Variants in CUX2 observed in about 807,000 individuals in gnomAD.
CUX2 encodes homeobox protein cut-like 2.
CUX2 carries 40 observed loss-of-function variants against 144.8 expected under a neutral mutation model. The ratio of observed to expected loss-of-function variants is 0.28; its 90% CI spans 0.21 to 0.36. The LOEUF (loss-of-function observed/expected upper bound fraction) is 0.36, where lower values mean the gene tolerates loss of function less well. CUX2 is among the 10% of genes least tolerant of loss of function. CUX2 has a pLI of 1.00. For synonymous variants in CUX2, 827 were observed against 875.6 expected (o/e 0.94, Z 0.98); for missense variants, 1,615 against 1,994.0 (o/e 0.81, Z 3.62).
At chr12:111,175,882 G>A (rs928787682) in intron 1 of CUX2, among the ~76,000 whole-genome samples, 3 of 151,798 alleles carry the variant, frequency 2.0e-5, no homozygotes, top group Admixed American at 6.6e-5. Context: ...AGAGACGGCT[G>A]AACTGTTGAA....
At chr12:111,253,985 C>T (rs148591253) in intron 3 of CUX2, among the ~76,000 whole-genome samples, 9 of 152,256 alleles carry the variant, frequency 5.9e-5, no homozygotes, top group African/African-American at 1.7e-4. Flanking sequence ...CAGCCTCAGC[C>T]TCCCAAGGTA....
chr12:111,325,771 A>G (rs1293949290), intron 18 of CUX2, among the ~76,000 whole-genome samples: 2 of 1,254 alleles, frequency 1.6e-3, no homozygotes, highest in Non-Finnish European at 1.1e-3. Context: ...GTGGTGGGGG[A>G]GGGGTGGGTT....
rs1309063905 is a variant in CUX2, at chr12:111,186,341, A to G, written c.64-27859A>G. ...GTGGTCCACCCAGGCCCCTGCCTTCAGGGGTGGACACTCCATGGGGGACGC... is the reference window on the plus strand; with the variant it reads ...GTGGTCCACCCAGGCCCCTGCCTTCGGGGGTGGACACTCCATGGGGGACGC... On this transcript the variant is annotated intron_variant, in intron 1 of 21. Transcript: ENST00000261726. The surrounding 1 kb of genome is among the most constrained non-coding windows in gnomAD (Gnocchi z 4.4). Among the ~76,000 whole-genome samples the G allele has an allele frequency of 1.3e-5, 2 of 152,294 alleles. No individual in the cohort carries two copies. The highest frequency in any genetic ancestry group is 2.9e-5 in the Non-Finnish European group (2 of 68,012).
intron 15 of CUX2, among the ~76,000 whole-genome samples, chr12:111,311,239 G>T (rs1886882877): frequency 6.6e-6 from 1 of 152,166 alleles, no homozygotes; most frequent in Non-Finnish European, 1.5e-5. Flanking sequence ...GGCATGCAGT[G>T]CTGCTTGAGA....
At chr12:111,073,101 A>T (rs544612990) in intron 1 of CUX2, among the ~76,000 whole-genome samples, 2 of 152,352 alleles carry the variant, frequency 1.3e-5, no homozygotes, top group African/African-American at 4.8e-5. Context: ...CAAACTGAAC[A>T]TACTCATGGA....
intron 3 of CUX2, among the ~76,000 whole-genome samples, chr12:111,226,120 T>C (rs912029604): frequency 6.6e-6 from 1 of 152,188 alleles, no homozygotes. Context: ...ATTTTTGTAT[T>C]TTTTGTAGAG....
At position 111,059,740 on chromosome 12, in the gene CUX2, C is replaced by T. The variant is rs1280137797; in HGVS notation, c.63+25500C>T. On this transcript the variant is annotated intron_variant, in intron 1 of 21. Transcript: ENST00000261726. The surrounding 1 kb of genome is among the most constrained non-coding windows in gnomAD (Gnocchi z 5.3). Reference sequence around the variant, plus strand: ...GGAGGGTGATGTGGAAGGGGTGCTACCAAGGAGAAGGTGGTCGTGGGGGGT... The same window carrying T: ...GGAGGGTGATGTGGAAGGGGTGCTATCAAGGAGAAGGTGGTCGTGGGGGGT... Among the ~76,000 whole-genome samples, 1 of 151,924 alleles carries T rather than the reference C, an allele frequency of 6.6e-6. No individual in the cohort carries two copies. Among genetic ancestry groups the T allele is most frequent in the Non-Finnish European group, 1.5e-5 (1 of 67,970 alleles).
chr12:111,279,192 G>A, intron 4 of CUX2, among the ~76,000 whole-genome samples: 1 of 152,172 alleles, frequency 6.6e-6, no homozygotes, highest in Non-Finnish European at 1.5e-5. Flanking sequence ...CAGTGCCTAG[G>A]AACTGTCAGG....
In CUX2 at chr12:111,308,997, T is replaced by C. The variant is rs1006472255; in HGVS notation, c.1258+471T>C. ...TCGGCTCACTGCAGCCTCCGCCTCC[T>C]GGGTTCAAGCAATTCACCTGCCTCG... On this transcript the variant is annotated intron_variant, in intron 14 of 21. Coordinates refer to ENST00000261726, the MANE Select transcript of CUX2 (RefSeq NM_015267.4). Among the ~76,000 whole-genome samples, 28 of 151,176 alleles carry C rather than the reference T, an allele frequency of 1.9e-4. 1 individual carries two copies. The highest frequency in any genetic ancestry group is 6.3e-4 in the African/African-American group (26 of 41,056).
At chr12:111,228,240 G>C (rs1882272871) in intron 3 of CUX2, among the ~76,000 whole-genome samples, 1 of 152,106 alleles carries the variant, frequency 6.6e-6, no homozygotes, top group South Asian at 2.1e-4. Flanking sequence ...GTGTGGTTCT[G>C]GAACCAGACT....
At chr12:111,284,728 TC>T (rs1885287753) in intron 4 of CUX2, among the ~76,000 whole-genome samples, 1 of 152,182 alleles carries the variant, frequency 6.6e-6, no homozygotes. Flanking sequence ...TGAGCTCACC[TC>T]CCGCTTCTTG....
At chr12:111,285,968 C>G (rs779596481) in intron 4 of CUX2, among the ~76,000 whole-genome samples, 2 of 152,202 alleles carry the variant, frequency 1.3e-5, no homozygotes, top group Non-Finnish European at 2.9e-5. Flanking sequence ...CCCACTGTGT[C>G]CTGGGGTGGA....
At chr12:111,167,294 C>T (rs778054343) in intron 1 of CUX2, among the ~76,000 whole-genome samples, 1 of 152,110 alleles carries the variant, frequency 6.6e-6, no homozygotes, top group Non-Finnish European at 1.5e-5. Context: ...CTATTTCCAT[C>T]GAGATAAAGT....
intron 1 of CUX2, among the ~76,000 whole-genome samples, chr12:111,069,958 G>T (rs536002698): frequency 6.6e-5 from 10 of 152,098 alleles, no homozygotes; most frequent in African/African-American, 2.2e-4. Flanking sequence ...GGACCCTAGA[G>T]CATGGCTTTA....
intron 1 of CUX2, among the ~76,000 whole-genome samples, chr12:111,089,618 G>A (rs1035653138): frequency 6.6e-6 from 1 of 152,212 alleles, no homozygotes; most frequent in Non-Finnish European, 1.5e-5. Context: ...CAGAGGGCCT[G>A]GAAAGCCCTC....
At chr12:111,347,256 CAA>C (rs1311496069) in intron 21 of CUX2, among the ~76,000 whole-genome samples, 1 of 152,132 alleles carries the variant, frequency 6.6e-6, no homozygotes, top group Non-Finnish European at 1.5e-5. Flanking sequence ...GTCGTGTGTT[CAA>C]GTCTCGGTTC....
At chr12:111,313,470 T>C (rs1887011881) in intron 16 of CUX2, among the ~76,000 whole-genome samples, 1 of 150,032 alleles carries the variant, frequency 6.7e-6, no homozygotes, top group Admixed American at 6.6e-5. Flanking sequence ...CGAAACCCTG[T>C]CTCTACTAAA....
intron 1 of CUX2, among the ~76,000 whole-genome samples, chr12:111,209,109 G>C (rs1224861006): frequency 6.6e-6 from 1 of 152,198 alleles, no homozygotes; most frequent in African/African-American, 2.4e-5. Flanking sequence ...ACAGGCACTA[G>C]GAACGTGAAC....
intron 3 of CUX2, among the ~76,000 whole-genome samples, chr12:111,258,491 C>T (rs998620803): frequency 6.5e-5 from 9 of 138,570 alleles, no homozygotes; most frequent in South Asian, 2.3e-4. Flanking sequence ...CCAACCTGGG[C>T]GACAGAGCAA....
Sources: gnomAD v4.1 joint callset for allele counts (sites outside exome capture counted in the v4.1 genomes callset) on GRCh38, gnomAD v4.1.1 for gene constraint, Gnocchi (gnomAD v3.1) non-coding constraint, MANE v1.5 for transcripts, NCBI Gene and HGNC (gene_info 2026-07-23, HGNC 2026-07-21) for gene names.